Variants in ASXL2 observed in about 807,000 individuals in gnomAD.
ASXL2 encodes the protein ASXL transcriptional regulator 2, also known as putative Polycomb group protein ASXL2.
Under a neutral mutation model 122.0 loss-of-function variants are expected in ASXL2, and 23 were observed. That is an observed-to-expected ratio of 0.19 (90% CI 0.14 to 0.27). ASXL2 has a LOEUF of 0.27. Among genes scored for constraint, ASXL2 ranks in the 10% least tolerant of loss-of-function variants. The probability of loss-of-function intolerance (pLI) is 1.00; values close to 1 mark genes in which losing one functional copy is unlikely to be tolerated. For missense variants in ASXL2, 1,518 were observed against 1,713.8 expected, an observed-to-expected ratio of 0.89 and a Z score of 2.02; for synonymous variants, 650 against 637.0, an observed-to-expected ratio of 1.02 and a Z score of -0.31.
intron 1 of ASXL2, among the ~76,000 whole-genome samples, chr2:25,855,495 C>T (rs552524195): frequency 1.3e-5 from 2 of 152,250 alleles, no homozygotes; most frequent in African/African-American, 4.8e-5. Flanking sequence ...ATGCCAAAAC[C>T]CCGTCTCTGC....
chr2:25,810,170 A>T (rs2089146112), intron 3 of ASXL2: 1 of 570,876 alleles, frequency 1.8e-6, no homozygotes, highest in African/African-American at 1.9e-5. Flanking sequence ...ACTTCAGGTT[A>T]TGGTCCATCA....
intron 1 of ASXL2, among the ~76,000 whole-genome samples, chr2:25,852,906 T>C (rs1158385234): frequency 6.6e-6 from 1 of 152,080 alleles, no homozygotes; most frequent in African/African-American, 2.4e-5. Flanking sequence ...AGGGAAGAAA[T>C]CAGATGTGAG....
intron 3 of ASXL2, chr2:25,822,536 G>T: frequency 2.0e-6 from 1 of 498,058 alleles, no homozygotes; most frequent in Middle Eastern, 5.0e-4. Flanking sequence ...TGTGAACACA[G>T]TAAGGATGTT....
intron 3 of ASXL2, among the ~76,000 whole-genome samples, chr2:25,813,671 A>G (rs1001363621): frequency 6.6e-6 from 1 of 152,252 alleles, no homozygotes; most frequent in African/African-American, 2.4e-5. Flanking sequence ...ACAACAACAA[A>G]TAACAACAAA....
intron 5 of ASXL2, among the ~76,000 whole-genome samples, chr2:25,785,497 T>C (rs2149164134): frequency 6.6e-6 from 1 of 151,978 alleles, no homozygotes; most frequent in East Asian, 1.9e-4. Flanking sequence ...AGTGCTGGGA[T>C]TACAGGAGTG....
intron 12 of ASXL2, among the ~76,000 whole-genome samples, chr2:25,745,838 G>T (rs2087932611): frequency 6.6e-6 from 1 of 151,232 alleles, no homozygotes; most frequent in Non-Finnish European, 1.5e-5. Context: ...TAAAGATGGG[G>T]TTTCACCATG....
intron 3 of ASXL2, among the ~76,000 whole-genome samples, chr2:25,828,841 A>C (rs892463869): frequency 1.3e-5 from 2 of 151,238 alleles, no homozygotes; most frequent in African/African-American, 2.4e-5. Context: ...AAAAAAAAAA[A>C]AAAAAAACAA....
chr2:25,759,786 T>C (rs1328108905), intron 8 of ASXL2, 141 bp from the exon 9 acceptor site: 11 of 865,618 alleles, frequency 1.3e-5, no homozygotes, highest in Non-Finnish European at 1.7e-6. Flanking sequence ...ACTTAAGATC[T>C]TAGAATTTTC....
Position 25,786,243 on chromosome 2 carries a change from C to CTTTTTTTTTTTTTTTTTTTTTTTTTTT in ASXL2, c.403+13141_403+13142insAAAAAAAAAAAAAAAAAAAAAAAAAAA, listed in dbSNP as rs370316025. On this transcript the variant is annotated intron_variant, in intron 5 of 12. Transcript: ENST00000435504. Reference sequence around the variant, plus strand: ...AAACAACCTACTACTCCACATCATTCTTTTTTTTTTTTTTTTGAGATGGAG... The same window carrying CTTTTTTTTTTTTTTTTTTTTTTTTTTT: ...AAACAACCTACTACTCCACATCATTCTTTTTTTTTTTTTTTTTTTTTTTTTTTTTTTTTTTTTTTTTTTGAGATGGAG... Among the ~76,000 whole-genome samples, 8 of 112,406 alleles carry CTTTTTTTTTTTTTTTTTTTTTTTTTTT rather than the reference C, an allele frequency of 7.1e-5. 2 individuals carry two copies. The highest frequency in any genetic ancestry group is 2.7e-4 in the African/African-American group (7 of 26,216). The allele number at this position is 112,406 out of a possible 152,430, so 73.7% of individuals were successfully genotyped here. A position where few individuals can be genotyped will look rare whatever the true frequency, so the allele number is the denominator to read the frequency against.
rs761581753 is a variant in ASXL2 at position 25,749,925 on chromosome 2, G to A, written c.1631C>T (p.Ala544Val). ...EKPIVKPTAGAGPQETNMKEP... is the reference protein window; with the variant it reads ...EKPIVKPTAGVGPQETNMKEP... ...TTTCATATTAGTCTCCTGTGGACCC[G>A]CTCCTGCTGTGGGCTTCACTATTGG... is the stretch of plus-strand genomic sequence containing the variant. The change falls in exon 12 of 13, where the codon GCG becomes GTG. Residue 544 changes from alanine (A) to valine (V), a missense_variant. This residue lies in a region of ASXL2 where 292 missense variants were observed against 293.5 expected (regional missense o/e 1.00). Transcript: ENST00000435504. The A allele has an allele frequency of 1.2e-5, 19 of 1,613,786 alleles. 1 individual carries two copies. Among genetic ancestry groups the A allele is most frequent in the Admixed American group, 3.3e-5 (2 of 59,990 alleles).
At chr2:25,835,090 C>T (rs2089493806) in intron 3 of ASXL2, among the ~76,000 whole-genome samples, 1 of 134,270 alleles carries the variant, frequency 7.4e-6, no homozygotes, top group African/African-American at 2.9e-5. Context: ...TCTCAAAGTG[C>T]TGGGATTACC....
chr2:25,806,018 T>C (rs192639031), intron 4 of ASXL2, among the ~76,000 whole-genome samples: 72 of 152,256 alleles, frequency 4.7e-4, no homozygotes, highest in African/African-American at 1.7e-3. Context: ...AAGATTATCA[T>C]CAAGAATAAA....
rs200835611 is a variant in ASXL2 at position 25,841,285 on chromosome 2, GA to G, written c.140+4195del. On this transcript the variant is annotated intron_variant, in intron 2 of 12. Coordinates refer to ENST00000435504, the MANE Select transcript of ASXL2 (RefSeq NM_018263.6). ...CACTCCAGCCTGGGTTACAGAGTGAGACCCTGCCTCAGAGAAAAAAGTGCCA... is the reference window on the plus strand; with the variant it reads ...CACTCCAGCCTGGGTTACAGAGTGAGCCCTGCCTCAGAGAAAAAAGTGCCA... Among the ~76,000 whole-genome samples the G allele has an allele frequency of 2.4e-3, 365 of 152,218 alleles. 2 individuals are homozygous for G. The highest frequency in any genetic ancestry group is 8.4e-3 in the African/African-American group (348 of 41,536).
intron 5 of ASXL2, among the ~76,000 whole-genome samples, chr2:25,793,548 T>C (rs1464752488): frequency 6.6e-6 from 1 of 151,506 alleles, no homozygotes; most frequent in Non-Finnish European, 1.5e-5. Flanking sequence ...CCCTATGAAG[T>C]ATTAGGGAGA....
intron 8 of ASXL2, among the ~76,000 whole-genome samples, chr2:25,764,891 G>C (rs573016474): frequency 6.6e-6 from 1 of 152,126 alleles, no homozygotes; most frequent in Non-Finnish European, 1.5e-5. Flanking sequence ...ACTACTGACT[G>C]AACTGTGTTC....
intron 5 of ASXL2, among the ~76,000 whole-genome samples, chr2:25,797,989 T>TC (rs2088935377): frequency 6.6e-6 from 1 of 152,270 alleles, no homozygotes; most frequent in Admixed American, 6.5e-5. Context: ...AACCAAGATG[T>TC]CCTTCAGTAG....
Position 25,872,372 on chromosome 2 carries a change from A to G in ASXL2, c.57+5794T>C, listed in dbSNP as rs545609031. ...ACTCCAGTCTGGGCAACACAGCAAG[A>G]CCCTGTCTCAAGGAGAAAAAAAAAA... On this transcript the variant is annotated intron_variant, in intron 1 of 12. Coordinates refer to ENST00000435504, the MANE Select transcript of ASXL2 (RefSeq NM_018263.6). Among the ~76,000 whole-genome samples, 5 of 152,144 alleles carry G rather than the reference A, an allele frequency of 3.3e-5. No individual in the cohort carries two copies. In the East Asian group the frequency reaches 9.6e-4, roughly 29 times the overall value.
chr2:25,777,587 A>AT (rs2088569046), intron 5 of ASXL2, among the ~76,000 whole-genome samples: 1 of 150,226 alleles, frequency 6.7e-6, no homozygotes, highest in Admixed American at 6.6e-5. Flanking sequence ...CTATCGTTTA[A>AT]TAAAAAAAAA....
chr2:25,810,004 A>G (rs1333917479), intron 3 of ASXL2: 14 of 539,452 alleles, frequency 2.6e-5, no homozygotes, highest in Non-Finnish European at 4.4e-5. Flanking sequence ...TTTTCAGTTT[A>G]TCTTCCAAGT....
Sources: gnomAD v4.1 joint callset for allele counts (sites outside exome capture counted in the v4.1 genomes callset) on GRCh38, gnomAD v4.1.1 for gene constraint, gnomAD v4.1.1 regional missense constraint, MANE v1.5 for transcripts, NCBI Gene and HGNC (gene_info 2026-07-23, HGNC 2026-07-21) for gene names.